Variants in MRC1 observed in about 807,000 individuals in gnomAD.
MRC1 encodes the protein macrophage mannose receptor 1.
MRC1 carries 62 observed loss-of-function variants against 102.9 expected under a neutral mutation model. The ratio of observed to expected loss-of-function variants is 0.60; its 90% CI spans 0.49 to 0.74. The LOEUF (loss-of-function observed/expected upper bound fraction) is 0.74. Ranked by LOEUF, MRC1 falls within the 30% of genes least tolerant of loss-of-function variation. The pLI, the probability that MRC1 is intolerant of heterozygous loss-of-function variation, is 0.00. For synonymous variants in MRC1, 457 were observed against 298.4 expected (o/e 1.53, Z -5.48); for missense variants, 1,237 against 862.8 (o/e 1.43, Z -5.43).
Position 17,894,485 on chromosome 10 carries a change from C to T in MRC1, c.3250+173C>T, listed in dbSNP as rs1001692816. ...TGTGATCTCAGATCACTGCAACTTC[C>T]GCCTCCCAGGTTTAAGCAATTCTCC... On this transcript the variant is annotated intron_variant, in intron 23 of 29. Coordinates refer to ENST00000569591, the MANE Select transcript of MRC1 (RefSeq NM_002438.4). Among the ~76,000 whole-genome samples the T allele has an allele frequency of 8.7e-5, 13 of 149,120 alleles. No individual in the cohort carries two copies. The South Asian group carries it at 1.5e-3, about 17-fold the overall frequency.
chr10:17,842,774 C>T (rs1200777518), intron 5 of MRC1, among the ~76,000 whole-genome samples: 3 of 152,048 alleles, frequency 2.0e-5, no homozygotes, highest in Admixed American at 6.5e-5. Flanking sequence ...TTGCATCCTA[C>T]GAGTTCAGGG....
chr10:17,822,465 T>TA (rs1298823362), intron 1 of MRC1, among the ~76,000 whole-genome samples: 1 of 151,864 alleles, frequency 6.6e-6, no homozygotes, highest in Non-Finnish European at 1.5e-5. Context: ...CTACAAAAAA[T>TA]AAAAAATGAG....
At position 17,881,179 on chromosome 10, in the gene MRC1, A is replaced by G; in HGVS notation, c.2978A>G (p.Gln993Arg). 1.3e-6 allele frequency: 1 copy of G among 780,284 alleles called. No homozygotes were observed. Among genetic ancestry groups the G allele is most frequent in the Non-Finnish European group, 2.4e-6 (1 of 417,846 alleles). 48.3% of individuals were successfully genotyped at this position (780,284 alleles called of 1,614,324 possible). A position where few individuals can be genotyped will look rare whatever the true frequency, so the allele number is the denominator to read the frequency against. The change falls in exon 21 of 30, where the codon CAA becomes CGA. Residue 993 changes from glutamine (Q) to arginine (R), a missense_variant and splice_region_variant. Coordinates refer to ENST00000569591, the MANE Select transcript of MRC1 (RefSeq NM_002438.4). ...NLVSIQNEKEQAFLTYHMKDS... is the reference protein window; with the variant it reads ...NLVSIQNEKERAFLTYHMKDS... Reference sequence around the variant, plus strand: ...GTCTCCATACAAAATGAAAAAGAGCAAGGTAGGCAGGCCATTTTGCAATTA... The same window carrying G: ...GTCTCCATACAAAATGAAAAAGAGCGAGGTAGGCAGGCCATTTTGCAATTA...
At chr10:17,874,907 G>A (rs1048232033) in intron 16 of MRC1, among the ~76,000 whole-genome samples, 183 bp from the exon 17 acceptor site, 312 of 152,278 alleles carry the variant, frequency 2.0e-3, no homozygotes, top group African/African-American at 7.3e-3. Flanking sequence ...GGTAGAAAGT[G>A]GATATTTGGG....
intron 1 of MRC1, among the ~76,000 whole-genome samples, chr10:17,814,535 T>C (rs1035236928): frequency 1.2e-4 from 19 of 152,228 alleles, no homozygotes; most frequent in African/African-American, 4.1e-4. Flanking sequence ...GAATGGCTAA[T>C]AGCACTAAGG....
chr10:17,889,001 T>C (rs927370081), intron 22 of MRC1, among the ~76,000 whole-genome samples: 21 of 152,354 alleles, frequency 1.4e-4, no homozygotes, highest in Admixed American at 5.2e-4. Context: ...AATTGTCCGC[T>C]AGATCATTAC....
chr10:17,871,045 A>G, intron 14 of MRC1, 110 bp downstream of exon 14: 2 of 758,206 alleles, frequency 2.6e-6, no homozygotes, highest in South Asian at 3.1e-5. Context: ...TATGATAGCC[A>G]CTATCCTGCC....
intron 1 of MRC1, among the ~76,000 whole-genome samples, chr10:17,814,002 G>C (rs1838268027): frequency 6.6e-6 from 1 of 152,004 alleles, no homozygotes; most frequent in Admixed American, 6.6e-5. Flanking sequence ...CTCAACCTTA[G>C]GTTTTGACAG....
intron 21 of MRC1, among the ~76,000 whole-genome samples, chr10:17,884,589 G>GTCCTTCTC (rs1833564102): frequency 6.6e-6 from 1 of 152,188 alleles, no homozygotes; most frequent in Non-Finnish European, 1.5e-5. Context: ...TTCACATGGT[G>GTCCTTCTC]GCAGGAGAGA....
intron 1 of MRC1, among the ~76,000 whole-genome samples, chr10:17,820,731 A>C (rs2130586243): frequency 6.6e-6 from 1 of 152,370 alleles, no homozygotes; most frequent in East Asian, 1.9e-4. Flanking sequence ...AATTACATTA[A>C]ATTTAGAGGC....
At chr10:17,854,190 G>A (rs904033763) in intron 8 of MRC1, among the ~76,000 whole-genome samples, 5 of 152,208 alleles carry the variant, frequency 3.3e-5, no homozygotes, top group South Asian at 2.1e-4. Flanking sequence ...AAGCTCAAGC[G>A]ATCTGCCTGC....
intron 22 of MRC1, among the ~76,000 whole-genome samples, chr10:17,887,588 G>T (rs369376047): frequency 2.0e-5 from 3 of 152,028 alleles, no homozygotes; most frequent in African/African-American, 4.8e-5. Context: ...AATCAAAAAC[G>T]TTCATTATTG....
At chr10:17,839,682 C>T (rs1168809379) in intron 4 of MRC1, among the ~76,000 whole-genome samples, 2 of 151,928 alleles carry the variant, frequency 1.3e-5, no homozygotes, top group African/African-American at 4.8e-5. Flanking sequence ...TTTTAAAAGC[C>T]AAAGGATAGT....
At position 17,823,278 on chromosome 10, in the gene MRC1, A is replaced by T. The variant is rs369459730; in HGVS notation, c.266A>T (p.Tyr89Phe). Residue 89 changes from tyrosine (Y) to phenylalanine (F), a missense_variant, in exon 2 of 30, where the codon TAT becomes TTT. Coordinates refer to ENST00000569591, the MANE Select transcript of MRC1 (RefSeq NM_002438.4). The stretch of plus-strand genomic sequence containing the variant: ...ACGGACTGGGTTGCTATCACTCTCT[A>T]TGCCTGTGACTCAAAAAGTGAATTT... ...SKTDWVAITL[Y>F]ACDSKSEFQK... The T allele has an allele frequency of 1.3e-6, 1 of 780,538 alleles. No individual in the cohort carries two copies. 48.4% of individuals were successfully genotyped at this position (780,538 alleles called of 1,614,324 possible).
Position 17,881,059 on chromosome 10 carries a change from C to T in MRC1, c.2866-8C>T. The T allele has an allele frequency of 1.3e-6, 1 of 780,482 alleles. No individual in the cohort carries two copies. Among genetic ancestry groups the T allele is most frequent in the Non-Finnish European group, 2.4e-6 (1 of 417,910 alleles). The allele number at this position is 780,482 out of a possible 1,614,324, so 48.3% of individuals were successfully genotyped here. A position where few individuals can be genotyped will look rare whatever the true frequency, so the allele number is the denominator to read the frequency against. On this transcript the variant is annotated splice_polypyrimidine_tract_variant and splice_region_variant and intron_variant, in intron 20 of 29. Transcript: ENST00000569591. ...TTTCTTTTTTTCTCTGCCCCTCTTC[C>T]ATCCCAGTGTTTCAAAATCTTTGGA...
At chr10:17,886,560 C>T (rs1833598441) in intron 22 of MRC1, among the ~76,000 whole-genome samples, 1 of 152,132 alleles carries the variant, frequency 6.6e-6, no homozygotes, top group East Asian at 1.9e-4. Flanking sequence ...CACCACCATG[C>T]CTGACTAATT....
intron 11 of MRC1, among the ~76,000 whole-genome samples, 183 bp downstream of exon 11, chr10:17,863,865 C>G (rs1833222862): frequency 6.6e-6 from 1 of 150,990 alleles, no homozygotes; most frequent in South Asian, 2.1e-4. Context: ...TAAAAGTTTC[C>G]CAATAGGTTT....
At chr10:17,894,404 T>TTTTC in intron 23 of MRC1, 92 bp downstream of exon 23, 1 of 688,396 alleles carries the variant, frequency 1.5e-6, no homozygotes, top group South Asian at 1.7e-5. Context: ...CTTTTTTTTT[T>TTTTC]TTTTTTTTTT....
chr10:17,894,025 T>C (rs1396569920), intron 22 of MRC1, among the ~76,000 whole-genome samples, 185 bp from the exon 23 acceptor site: 1 of 152,170 alleles, frequency 6.6e-6, no homozygotes, highest in Non-Finnish European at 1.5e-5. Context: ...AGTTCAAATG[T>C]GGAGGATATG....
Sources: gnomAD v4.1 joint callset for allele counts (sites outside exome capture counted in the v4.1 genomes callset) on GRCh38, gnomAD v4.1.1 for gene constraint, MANE v1.5 for transcripts, NCBI Gene and HGNC (gene_info 2026-07-23, HGNC 2026-07-21) for gene names.